ARHGAP39: variants seen among roughly 807,000 people sequenced by gnomAD.
The protein encoded by ARHGAP39 is rho GTPase-activating protein 39.
In ARHGAP39, 44 loss-of-function variants were observed where a neutral mutation model predicts 106.9. The ratio of observed to expected loss-of-function variants is 0.41; its 90% CI spans 0.32 to 0.53. The LOEUF (loss-of-function observed/expected upper bound fraction) is 0.53. ARHGAP39 is among the 20% of genes least tolerant of loss of function. ARHGAP39 has a pLI of 0.21. For synonymous variants in ARHGAP39, 768 were observed against 693.2 expected, an observed-to-expected ratio of 1.11 and a Z score of -1.69; for missense variants, 1,496 against 1,577.3, an observed-to-expected ratio of 0.95 and a Z score of 0.87.
At chr8:144,580,796 G>T in intron 3 of ARHGAP39, 50 bp downstream of exon 3, 1 of 192,132 alleles carries the variant, frequency 5.2e-6, no homozygotes, top group Non-Finnish European at 7.2e-6. Flanking sequence ...ACCTGGCCCC[G>T]CCCACTCCAT....
At chr8:144,596,672 T>C (rs994443296) in intron 2 of ARHGAP39, among the ~76,000 whole-genome samples, 7 of 152,292 alleles carry the variant, frequency 4.6e-5, no homozygotes, top group African/African-American at 1.4e-4. Flanking sequence ...AGCCAGGCGC[T>C]GCTCTTTACC....
At chr8:144,611,035 T>C (rs1820474190) in intron 1 of ARHGAP39, among the ~76,000 whole-genome samples, 1 of 152,170 alleles carries the variant, frequency 6.6e-6, no homozygotes, top group African/African-American at 2.4e-5. Context: ...GCCAGGCTGG[T>C]CTCAAACTCC....
At chr8:144,599,819 CT>C (rs1194817743) in intron 2 of ARHGAP39, among the ~76,000 whole-genome samples, 1 of 152,128 alleles carries the variant, frequency 6.6e-6, no homozygotes, top group African/African-American at 2.4e-5. Context: ...TGAACCCTGG[CT>C]TTTTTTAGTG....
chr8:144,623,315 G>A (rs975470793), intron 1 of ARHGAP39, among the ~76,000 whole-genome samples: 1 of 152,208 alleles, frequency 6.6e-6, no homozygotes, highest in African/African-American at 2.4e-5. Flanking sequence ...AGGAAAGATG[G>A]TGGAAATAAA....
intron 1 of ARHGAP39, among the ~76,000 whole-genome samples, chr8:144,635,266 G>A (rs528290386): frequency 2.6e-5 from 4 of 152,184 alleles, no homozygotes; most frequent in African/African-American, 4.8e-5. Flanking sequence ...GGGGGGAGGC[G>A]AAAGAGGCTG....
At chr8:144,686,753 G>C (rs1190614536), upstream of ARHGAP39, among the ~76,000 whole-genome samples, 1 of 152,116 alleles carries the variant, frequency 6.6e-6, no homozygotes, top group Admixed American at 6.5e-5. Context: ...CTGCTTTTTC[G>C]CCTCCCGCTC....
At chr8:144,624,326 C>A (rs1475513535) in intron 1 of ARHGAP39, among the ~76,000 whole-genome samples, 2 of 148,534 alleles carry the variant, frequency 1.3e-5, no homozygotes, top group African/African-American at 5.0e-5. Flanking sequence ...ATAAAATAAT[C>A]ATCGTCTCAA....
chr8:144,642,124 G>C (rs1821327549), intron 1 of ARHGAP39, among the ~76,000 whole-genome samples: 1 of 152,210 alleles, frequency 6.6e-6, no homozygotes, highest in South Asian at 2.1e-4. Flanking sequence ...GATTGCTTGA[G>C]TGCACAAGTT....
intron 3 of ARHGAP39, among the ~76,000 whole-genome samples, chr8:144,577,477 C>A (rs895713316): frequency 6.6e-6 from 1 of 152,050 alleles, no homozygotes; most frequent in African/African-American, 2.4e-5. Flanking sequence ...AGGAGCAGAA[C>A]AAGGATGCCC....
At chr8:144,643,808 T>C (rs1280790668) in intron 1 of ARHGAP39, among the ~76,000 whole-genome samples, 2 of 152,216 alleles carry the variant, frequency 1.3e-5, no homozygotes, top group Non-Finnish European at 2.9e-5. Context: ...CTTTTCATCT[T>C]CTTAATGGTG....
intron 1 of ARHGAP39, among the ~76,000 whole-genome samples, chr8:144,653,517 C>T (rs998378680): frequency 3.3e-5 from 5 of 152,268 alleles, no homozygotes; most frequent in Admixed American, 6.5e-5. Flanking sequence ...TCCACCTTCC[C>T]GTCAGGAACC....
rs767271501 is a variant in ARHGAP39, at chr8:144,545,342, T to C, written c.2428A>G (p.Ile810Val). The change falls in exon 6 of 12, where the codon ATC becomes GTC. Residue 810 changes from isoleucine (I) to valine (V), a missense_variant. Physicochemically the swap from Ile to Val is conservative, Grantham distance 29. Coordinates refer to ENST00000377307, the MANE Select transcript of ARHGAP39 (RefSeq NM_025251.3). Reference sequence around the variant, plus strand: ...GTGGGCGGGAAAAAGGCCAGGCAGATGGCCATGAGCTCCCAGCCGCGGGCC... The same window carrying C: ...GTGGGCGGGAAAAAGGCCAGGCAGACGGCCATGAGCTCCCAGCCGCGGGCC... Reference protein sequence around the residue: ...SLARGWELMAICLAFFPPTPK... With the variant: ...SLARGWELMAVCLAFFPPTPK... 6.3e-7 allele frequency: 1 copy of C among 1,599,010 alleles called. No individual in the cohort carries two copies. Among genetic ancestry groups the C allele is most frequent in the Non-Finnish European group, 8.5e-7 (1 of 1,170,014 alleles).
chr8:144,593,598 T>C (rs1819487691), intron 2 of ARHGAP39, among the ~76,000 whole-genome samples: 1 of 151,920 alleles, frequency 6.6e-6, no homozygotes, highest in Non-Finnish European at 1.5e-5. Context: ...AATTAAAACT[T>C]TTGTGGCCAC....
chr8:144,681,031 A>G (rs570366463), intron 1 of ARHGAP39, among the ~76,000 whole-genome samples: 7 of 152,328 alleles, frequency 4.6e-5, no homozygotes, highest in African/African-American at 1.7e-4. Context: ...GATACCAAAC[A>G]CAGCAGAAGT....
In ARHGAP39 at chr8:144,547,930, C is replaced by T. The variant is rs1006917981; in HGVS notation, c.1156G>A (p.Glu386Lys). Residue 386 changes from glutamate to lysine, a missense_variant, in exon 5 of 12, where the codon GAG becomes AAG. Coordinates refer to ENST00000377307, the MANE Select transcript of ARHGAP39 (RefSeq NM_025251.3). This position sits in a 1 kb window ranked among gnomAD's most constrained non-coding sequence, Gnocchi z 5.2. ...TACTCCTTGCCGGCGGGACTGTACT[C>T]CAGGCTCAGGAAGCGCTCGGGACAC... is the stretch of plus-strand genomic sequence containing the variant. Reference protein sequence around the residue: ...QKCPERFLSLEYSPAGKEYVR... With the variant: ...QKCPERFLSLKYSPAGKEYVR... 3 of 1,590,480 alleles carry T rather than the reference C, an allele frequency of 1.9e-6. No individual in the cohort carries two copies. The highest frequency in any genetic ancestry group is 2.6e-6 in the Non-Finnish European group (3 of 1,169,056).
chr8:144,659,648 C>A (rs1821775860), intron 1 of ARHGAP39, among the ~76,000 whole-genome samples: 1 of 152,108 alleles, frequency 6.6e-6, no homozygotes, highest in South Asian at 2.1e-4. Flanking sequence ...TCAGAGAATC[C>A]CAAACAATTT....
upstream of ARHGAP39, among the ~76,000 whole-genome samples, chr8:144,685,880 C>A (rs1390421888): frequency 1.3e-5 from 2 of 149,344 alleles, no homozygotes; most frequent in Admixed American, 6.6e-5. Context: ...CCAAGCGCAA[C>A]CCCCCGCCTC....
At chr8:144,601,825 G>A (rs1357244957) in intron 2 of ARHGAP39, among the ~76,000 whole-genome samples, 2 of 146,572 alleles carry the variant, frequency 1.4e-5, no homozygotes, top group Non-Finnish European at 3.0e-5. Context: ...GGAGGCGTGT[G>A]TGCTCGTGTA....
intron 2 of ARHGAP39, among the ~76,000 whole-genome samples, chr8:144,583,765 T>C (rs1359036901): frequency 6.6e-6 from 1 of 152,260 alleles, no homozygotes; most frequent in Non-Finnish European, 1.5e-5. Context: ...TTTCCAAGTG[T>C]TCCACAATAT....
Sources: allele counts gnomAD v4.1 joint callset (sites outside exome capture counted in the v4.1 genomes callset), GRCh38; gene constraint gnomAD v4.1.1; non-coding constraint Gnocchi (gnomAD v3.1); transcripts MANE v1.5; gene names NCBI Gene and HGNC (gene_info 2026-07-23, HGNC 2026-07-21).